The following IFNGR1 variants were observed in gnomAD, a reference collection of about 807,000 sequenced individuals.
The protein encoded by IFNGR1 is AVP, type 2.
In IFNGR1, 23 loss-of-function variants were observed where a neutral mutation model predicts 35.4. The observed-to-expected ratio is 0.65, with a 90% CI of 0.47 to 0.92. The LOEUF is 0.92. IFNGR1 is among the 40% of genes least tolerant of loss of function. The pLI is 0.00. For synonymous variants in IFNGR1, 199 were observed against 209.5 expected, an observed-to-expected ratio of 0.95 and a Z score of 0.43; for missense variants, 533 against 583.4, an observed-to-expected ratio of 0.91 and a Z score of 0.89.
At chr6:137,218,124 T>C (rs1779750899) in intron 1 of IFNGR1, among the ~76,000 whole-genome samples, 1 of 152,206 alleles carries the variant, frequency 6.6e-6, no homozygotes, top group African/African-American at 2.4e-5. Context: ...AGCTCCCCAC[T>C]GAGTGGCTAT....
At chr6:137,206,353 A>G in intron 2 of IFNGR1, 45 bp from the exon 3 acceptor site, 1 of 1,414,974 alleles carries the variant, frequency 7.1e-7, no homozygotes. Flanking sequence ...ATTGTTATTA[A>G]ATAAACTCAA....
At chr6:137,202,426 T>C (rs1325454188) in intron 5 of IFNGR1, among the ~76,000 whole-genome samples, 1 of 152,254 alleles carries the variant, frequency 6.6e-6, no homozygotes, top group Non-Finnish European at 1.5e-5. Flanking sequence ...TTGCACTGCT[T>C]TAAATCACCT....
intron 6 of IFNGR1, among the ~76,000 whole-genome samples, chr6:137,200,227 T>A (rs771749152): frequency 3.3e-4 from 50 of 152,324 alleles, no homozygotes; most frequent in African/African-American, 1.1e-3. Flanking sequence ...TAATGTGCCC[T>A]TTGAGCATCA....
At chr6:137,207,762 A>C (rs1461941424) in intron 1 of IFNGR1, among the ~76,000 whole-genome samples, 1 of 152,110 alleles carries the variant, frequency 6.6e-6, no homozygotes, top group Non-Finnish European at 1.5e-5. Flanking sequence ...TTTTCTTCCC[A>C]GTCTTGGGCA....
intron 1 of IFNGR1, among the ~76,000 whole-genome samples, chr6:137,211,736 C>T (rs1288244309): frequency 1.3e-5 from 2 of 152,136 alleles, no homozygotes; most frequent in Admixed American, 6.5e-5. Context: ...TTCTATCACA[C>T]GTTTGCATCT....
intron 6 of IFNGR1, among the ~76,000 whole-genome samples, chr6:137,199,824 A>G (rs137926696): frequency 4.9e-4 from 75 of 151,556 alleles, no homozygotes; most frequent in Admixed American, 3.2e-3. Context: ...AGATGGGGAA[A>G]TGTTTCCAAT....
chr6:137,200,551 T>C (rs1229514196), intron 6 of IFNGR1, among the ~76,000 whole-genome samples: 4 of 152,202 alleles, frequency 2.6e-5, no homozygotes, highest in African/African-American at 9.6e-5. Context: ...ACCCCAAAGC[T>C]GGACAAAGTC....
chr6:137,219,148 A>T, intron 1 of IFNGR1, 95 bp downstream of exon 1: 4 of 1,493,256 alleles, frequency 2.7e-6, no homozygotes, highest in Non-Finnish European at 3.6e-6. Context: ...GGCTAGGGCG[A>T]CCTCGGAGAA....
intron 1 of IFNGR1, among the ~76,000 whole-genome samples, chr6:137,217,341 ATGAC>A (rs1779725461): frequency 6.6e-6 from 1 of 152,210 alleles, no homozygotes; most frequent in Admixed American, 6.5e-5. Context: ...TTAGTAAATA[ATGAC>A]TGACTTCAGC....
intron 2 of IFNGR1, among the ~76,000 whole-genome samples, 181 bp from the exon 3 acceptor site, chr6:137,206,489 ACT>A (rs3839520): frequency 3.3e-4 from 51 of 152,290 alleles, no homozygotes; most frequent in East Asian, 1.5e-3. Flanking sequence ...AGAACTACAA[ACT>A]CTGTTACAGT....
rs933814074 is a variant in IFNGR1, at chr6:137,210,638, T to C, written c.86-3561A>G. Among the ~76,000 whole-genome samples, 5 of 152,192 alleles carry C rather than the reference T, an allele frequency of 3.3e-5. No homozygotes were observed. In the East Asian group the frequency reaches 9.6e-4, roughly 29 times the overall value. ...TTCTATTTTTCCAAAGTGCCTTGGA[T>C]GATAATGATGATGATTTATATTTAT... On this transcript the variant is annotated intron_variant, in intron 1 of 6. Transcript: ENST00000367739.
At chr6:137,202,893 G>A (rs1779318472) in intron 5 of IFNGR1, among the ~76,000 whole-genome samples, 1 of 151,810 alleles carries the variant, frequency 6.6e-6, no homozygotes, top group Non-Finnish European at 1.5e-5. Flanking sequence ...CTTCTTTAAG[G>A]TTCCTGACAC....
chr6:137,204,215 T>G, intron 4 of IFNGR1, 117 bp downstream of exon 4: 2 of 871,702 alleles, frequency 2.3e-6, no homozygotes, highest in Non-Finnish European at 3.8e-6. Flanking sequence ...ATCAAATCTA[T>G]GATCTGTGAG....
chr6:137,218,594 C>T, intron 1 of IFNGR1: 1 of 835,094 alleles, frequency 1.2e-6, no homozygotes, highest in Non-Finnish European at 1.6e-6. Flanking sequence ...TTGAGTCCCC[C>T]CCCCCACCCC....
chr6:137,208,833 G>A (rs914613262), intron 1 of IFNGR1, among the ~76,000 whole-genome samples: 11 of 152,326 alleles, frequency 7.2e-5, no homozygotes, highest in Admixed American at 5.9e-4. Context: ...GTAGAGCTGT[G>A]AGAAGAGGGC....
chr6:137,219,088 C>T (rs1582649449), intron 1 of IFNGR1, 155 bp downstream of exon 1: 2 of 918,368 alleles, frequency 2.2e-6, no homozygotes, highest in East Asian at 2.7e-5. Flanking sequence ...AGTCTCGCGA[C>T]CCCACCTCGC....
chr6:137,206,876 A>C, intron 2 of IFNGR1, 87 bp downstream of exon 2: 1 of 1,012,524 alleles, frequency 9.9e-7, no homozygotes. Context: ...GCCACGTGGG[A>C]AGGCTGATGA....
intron 1 of IFNGR1, among the ~76,000 whole-genome samples, chr6:137,210,662 A>G (rs889673955): frequency 5.9e-5 from 9 of 152,196 alleles, no homozygotes; most frequent in African/African-American, 2.2e-4. Flanking sequence ...ATTTATATTT[A>G]TATCAAGCAG....
At chr6:137,214,650 ACTC>A (rs1779649934) in intron 1 of IFNGR1, among the ~76,000 whole-genome samples, 1 of 151,620 alleles carries the variant, frequency 6.6e-6, no homozygotes, top group Non-Finnish European at 1.5e-5. Context: ...CTTTATTCTT[ACTC>A]CTATTTATCC....
Sources: allele counts gnomAD v4.1 joint callset (sites outside exome capture counted in the v4.1 genomes callset), GRCh38; gene constraint gnomAD v4.1.1; transcripts MANE v1.5; gene names NCBI Gene and HGNC (gene_info 2026-07-23, HGNC 2026-07-21).